Variants in MAPK10 observed in about 807,000 individuals in gnomAD.
The protein encoded by MAPK10 is JNK3 alpha protein kinase.
Under a neutral mutation model 59.3 loss-of-function variants are expected in MAPK10, and 25 were observed. The ratio of observed to expected loss-of-function variants is 0.42; its 90% CI spans 0.31 to 0.59. MAPK10 has a LOEUF of 0.59. Among genes scored for constraint, MAPK10 ranks in the 20% least tolerant of loss-of-function variants. MAPK10 has a pLI of 0.15. For synonymous variants in MAPK10, 190 were observed against 200.5 expected (o/e 0.95, Z 0.44); for missense variants, 351 against 568.9 (o/e 0.62, Z 3.90).
intron 4 of MAPK10, chr4:86,124,420 C>T (rs893073251): frequency 1.3e-4 from 20 of 151,818 alleles, no homozygotes; most frequent in Non-Finnish European, 4.4e-5. Context: ...ATTTCTCATA[C>T]TTACTATTGA....
chr4:86,193,888 A>AT, intron 3 of MAPK10: 1 of 165,334 alleles, frequency 6.0e-6, no homozygotes, highest in South Asian at 1.6e-4. Flanking sequence ...TGCGGTGTAG[A>AT]CACCTGAGGG....
intron 3 of MAPK10, among the ~76,000 whole-genome samples, chr4:86,178,591 G>C (rs2076203322): frequency 6.6e-6 from 1 of 152,044 alleles, no homozygotes; most frequent in African/African-American, 2.4e-5. Context: ...ATACTGAATA[G>C]GGAAAACCTT....
intron 6 of MAPK10, chr4:86,102,918 T>C (rs1252164068): frequency 7.4e-6 from 2 of 271,032 alleles, no homozygotes; most frequent in African/African-American, 2.2e-5. Flanking sequence ...ACCAAGAGCA[T>C]GGAACAACAA....
chr4:86,297,434 C>T (rs1330052927), intron 2 of MAPK10, among the ~76,000 whole-genome samples: 3 of 152,122 alleles, frequency 2.0e-5, no homozygotes, highest in South Asian at 2.1e-4. Flanking sequence ...CTCAGCCTCC[C>T]GAGTAGCTGC....
At chr4:86,101,019 G>T in intron 8 of MAPK10, 33 bp downstream of exon 8, 1 of 1,601,150 alleles carries the variant, frequency 6.2e-7, no homozygotes, top group South Asian at 1.1e-5. Context: ...TTTCATTCAT[G>T]GTTTTGATGC....
chr4:86,512,778 A>G (rs1756375064), intron 1 of MAPK10, among the ~76,000 whole-genome samples: 1 of 152,226 alleles, frequency 6.6e-6, no homozygotes, highest in African/African-American at 2.4e-5. Context: ...ATGAATTTTA[A>G]GGGATAAGTT....
chr4:86,371,843 C>A (rs150549677), intron 1 of MAPK10, among the ~76,000 whole-genome samples: 1 of 152,128 alleles, frequency 6.6e-6, no homozygotes, highest in African/African-American at 2.4e-5. Context: ...CCATGAGGAA[C>A]GGTGCATTCC....
chr4:86,250,147 GACT>G lies in MAPK10; in HGVS notation c.-6-55743_-6-55741del, dbSNP rs533444312. Among the ~76,000 whole-genome samples the G allele has an allele frequency of 3.5e-3, 531 of 152,314 alleles. 5 individuals are homozygous for G. The highest frequency in any genetic ancestry group is 0.012 in the African/African-American group (505 of 41,572). On this transcript the variant is annotated intron_variant, in intron 2 of 13. Transcript: ENST00000641462. ...CTTGTCATAGTGAATAGTCCAGCTAGACTCATAGGAATGCCGATCTTTACAAAC... is the reference window on the plus strand; with the variant it reads ...CTTGTCATAGTGAATAGTCCAGCTAGCATAGGAATGCCGATCTTTACAAAC...
intron 1 of MAPK10, chr4:86,358,294 A>G: frequency 2.0e-6 from 2 of 985,450 alleles, no homozygotes; most frequent in Non-Finnish European, 2.4e-6. Flanking sequence ...ATTCTGTGTT[A>G]TCTTCCAGGG....
At chr4:86,519,614 G>A (rs755174638) in intron 1 of MAPK10, among the ~76,000 whole-genome samples, 9 of 152,012 alleles carry the variant, frequency 5.9e-5, no homozygotes, top group African/African-American at 1.2e-4. Context: ...TTAGGCCATC[G>A]TTAGTATTGA....
chr4:86,300,628 C>T (rs1463659384), intron 2 of MAPK10: 1 of 152,178 alleles, frequency 6.6e-6, no homozygotes, highest in Admixed American at 6.5e-5. Flanking sequence ...ATTTATAGAG[C>T]AGCTTCCACA....
At chr4:86,271,464 A>G (rs989228474) in intron 2 of MAPK10, among the ~76,000 whole-genome samples, 1 of 151,928 alleles carries the variant, frequency 6.6e-6, no homozygotes, top group African/African-American at 2.4e-5. Flanking sequence ...CTTTTATTTT[A>G]GATTCAGAGG....
chr4:86,167,531 G>A (rs927928062), intron 3 of MAPK10, among the ~76,000 whole-genome samples: 7 of 152,100 alleles, frequency 4.6e-5, no homozygotes, highest in East Asian at 1.9e-4. Flanking sequence ...CAATCGAGTC[G>A]GCTTCATCCC....
At chr4:86,243,541 A>G (rs1038898067) in intron 2 of MAPK10, among the ~76,000 whole-genome samples, 2 of 152,132 alleles carry the variant, frequency 1.3e-5, no homozygotes, top group Non-Finnish European at 2.9e-5. Flanking sequence ...ATTACACTCT[A>G]GCCAGGCTTG....
At chr4:86,249,435 G>T (rs913097670) in intron 2 of MAPK10, among the ~76,000 whole-genome samples, 1 of 152,118 alleles carries the variant, frequency 6.6e-6, no homozygotes, top group South Asian at 2.1e-4. Flanking sequence ...CCACCAAATT[G>T]TCCCTGTTAA....
At position 86,504,924 on chromosome 4, in the gene MAPK10, C is replaced by G. The variant is rs548637877; in HGVS notation, c.-263+88986G>C. Among the ~76,000 whole-genome samples, 55 of 152,162 alleles carry G rather than the reference C, an allele frequency of 3.6e-4. No homozygotes were observed. In the South Asian group the frequency reaches 7.1e-3, roughly 20 times the overall value. ...CCTGCCTCCCAGTTTGCCTACAGTCCCTCTTTTGGGGGTATTAAGCACATC... is the reference window on the plus strand; with the variant it reads ...CCTGCCTCCCAGTTTGCCTACAGTCGCTCTTTTGGGGGTATTAAGCACATC... On this transcript the variant is annotated intron_variant, in intron 1 of 4. Coordinates refer to the MAPK10 transcript ENST00000502302.
intron 1 of MAPK10, among the ~76,000 whole-genome samples, chr4:86,571,028 T>A (rs1412166934): frequency 1.3e-5 from 2 of 151,646 alleles, no homozygotes; most frequent in Admixed American, 1.3e-4. Context: ...CTAAGGGAGG[T>A]GGGGTGTGCA....
intron 2 of MAPK10, among the ~76,000 whole-genome samples, chr4:86,207,707 T>A (rs1222013050): frequency 6.6e-6 from 1 of 152,262 alleles, no homozygotes; most frequent in East Asian, 1.9e-4. Context: ...TTTGTTTGTA[T>A]CCTCTTTTAT....
intron 9 of MAPK10, among the ~76,000 whole-genome samples, chr4:86,082,662 G>A (rs1458006073): frequency 1.3e-5 from 2 of 152,128 alleles, no homozygotes; most frequent in Middle Eastern, 3.2e-3. Flanking sequence ...AAGGCAAAGG[G>A]TAGATAACAA....
Sources: gnomAD v4.1 joint callset for allele counts (sites outside exome capture counted in the v4.1 genomes callset) on GRCh38, gnomAD v4.1.1 for gene constraint, MANE v1.5 for transcripts, NCBI Gene and HGNC (gene_info 2026-07-23, HGNC 2026-07-21) for gene names.